NIPAL4: variants seen among roughly 807,000 people sequenced by gnomAD.
The protein encoded by NIPAL4 is magnesium transporter NIPA4.
In NIPAL4, 21 loss-of-function variants were observed where a neutral mutation model predicts 31.6. The observed-to-expected ratio is 0.67, with a 90% confidence interval of 0.47 to 0.96. NIPAL4 has a LOEUF of 0.96. Among genes scored for constraint, NIPAL4 ranks in the 40% least tolerant of loss-of-function variants. NIPAL4 has a pLI of 0.00. For synonymous variants in NIPAL4, 175 were observed against 211.1 expected, an observed-to-expected ratio of 0.83 and a Z score of 1.48; for missense variants, 438 against 508.0, an observed-to-expected ratio of 0.86 and a Z score of 1.32.
intron 2 of NIPAL4, among the ~76,000 whole-genome samples, chr5:157,464,640 G>A (rs1307582018): frequency 6.6e-6 from 1 of 152,102 alleles, no homozygotes; most frequent in African/African-American, 2.4e-5. Flanking sequence ...AGGAGTCAAG[G>A]ATGACTCATG....
chr5:157,472,291 C>A, intron 5 of NIPAL4, 41 bp from the exon 6 acceptor site: 2 of 1,561,892 alleles, frequency 1.3e-6, no homozygotes, highest in Non-Finnish European at 1.7e-6. Flanking sequence ...ATTGCCTGCA[C>A]CCTCCACAGC....
rs1343934524 is a variant in NIPAL4, at chr5:157,463,154, T to C, written c.98T>C (p.Leu33Pro). Residue 33 changes from leucine (L) to proline (P), a missense_variant, in exon 2 of 6, where the codon CTC becomes CCC. By Grantham distance (98) the Leu-to-Pro change is moderately conservative. Transcript: ENST00000311946. ...GTCCTGTGCCAGATTGTCAATGACC[T>C]CAGCCCTGAGGTGCCCAGCAATGCC... ...QEVLCQIVND[L>P]SPEVPSNATF... 3.7e-6 allele frequency: 6 copies of C among 1,613,890 alleles called. No individual in the cohort carries two copies. In the East Asian group the frequency reaches 8.9e-5, roughly 24 times the overall value.
intron 4 of NIPAL4, among the ~76,000 whole-genome samples, chr5:157,469,476 A>C (rs1754368221): frequency 6.6e-6 from 1 of 152,220 alleles, no homozygotes; most frequent in Non-Finnish European, 1.5e-5. Context: ...AACTTGGCCA[A>C]AGTTACCAGC....
At position 157,463,349 on chromosome 5, in the gene NIPAL4, A is replaced by G; in HGVS notation, c.277+16A>G. 1 of 1,594,612 alleles carries G rather than the reference A, an allele frequency of 6.3e-7. No individual in the cohort carries two copies. On this transcript the variant is annotated intron_variant, in intron 2 of 5. Transcript: ENST00000311946. ...ACTCGAGCTGGTAGGTTCCTGGGCC[A>G]GGAGAGGATAGGGCCCAGGGCAGCT...
At chr5:157,469,624 G>A (rs1161199883) in intron 4 of NIPAL4, among the ~76,000 whole-genome samples, 2 of 152,126 alleles carry the variant, frequency 1.3e-5, no homozygotes, top group Non-Finnish European at 2.9e-5. Context: ...GATACTAAAT[G>A]TCTGTGCTTC....
chr5:157,472,660 G>A lies in NIPAL4; in HGVS notation c.915G>A (p.Val305=). 5.0e-6 allele frequency: 8 copies of A among 1,613,960 alleles called. No individual in the cohort carries two copies. Among genetic ancestry groups the A allele is most frequent in the Non-Finnish European group, 6.8e-6 (8 of 1,179,898 alleles). Residue 305 remains valine (V), a synonymous_variant, in exon 6 of 6, where the codon GTG becomes GTA. Transcript: ENST00000311946. ...FPIYYVFFTT[V]VVTSSIILFK... ...TCTACTACGTGTTCTTCACCACGGT[G>A]GTCGTTACCTCGTCCATCATCCTCT...
At chr5:157,470,622 A>G (rs1754404226) in intron 4 of NIPAL4, among the ~76,000 whole-genome samples, 1 of 152,228 alleles carries the variant, frequency 6.6e-6, no homozygotes, top group African/African-American at 2.4e-5. Flanking sequence ...TGCCTAAGAC[A>G]TGGTACCTGT....
At chr5:157,466,286 G>A (rs1277487935) in intron 2 of NIPAL4, among the ~76,000 whole-genome samples, 4 of 152,224 alleles carry the variant, frequency 2.6e-5, no homozygotes, top group Admixed American at 2.0e-4. Flanking sequence ...GGAGAGCTAA[G>A]AGAGAGGAGA....
Position 157,467,335 on chromosome 5 carries a change from C to G in NIPAL4, c.334+230C>G, listed in dbSNP as rs10063083. ...GAGAGGTTTGCACAGAGCTGGCAACCATGAAGGTGTATTTTCTCAACTTGC... is the reference window on the plus strand; with the variant it reads ...GAGAGGTTTGCACAGAGCTGGCAACGATGAAGGTGTATTTTCTCAACTTGC... On this transcript the variant is annotated intron_variant, in intron 3 of 5. Transcript: ENST00000311946. The G allele has an allele frequency of 0.36, 178,592 of 492,066 alleles. 34,416 individuals carry two copies. The highest frequency in any genetic ancestry group is 0.7 in the East Asian group (18,453 of 26,540). The allele number at this position is 492,066 out of a possible 1,614,324, so 30.5% of individuals were successfully genotyped here. A position where few individuals can be genotyped will look rare whatever the true frequency, so the allele number is the denominator to read the frequency against.
At chr5:157,464,609 C>G (rs1754204115) in intron 2 of NIPAL4, among the ~76,000 whole-genome samples, 1 of 151,584 alleles carries the variant, frequency 6.6e-6, no homozygotes, top group African/African-American at 2.4e-5. Flanking sequence ...CGGCTTCAAG[C>G]AAGGGAGGAG....
chr5:157,461,723 A>G (rs1754116012), intron 1 of NIPAL4, among the ~76,000 whole-genome samples: 1 of 152,242 alleles, frequency 6.6e-6, no homozygotes, highest in Non-Finnish European at 1.5e-5. Flanking sequence ...TCACACTGCA[A>G]AAGACACATG....
intron 4 of NIPAL4, among the ~76,000 whole-genome samples, chr5:157,470,090 TCTC>T (rs1391412230): frequency 6.6e-6 from 1 of 152,092 alleles, no homozygotes; most frequent in African/African-American, 2.4e-5. Flanking sequence ...TAGATATCAA[TCTC>T]CTCTCTCCTG....
Position 157,463,152 on chromosome 5 carries a change from C to A in NIPAL4, c.96C>A (p.Asp32Glu), listed in dbSNP as rs190908366. ...AAGTCCTGTGCCAGATTGTCAATGA[C>A]CTCAGCCCTGAGGTGCCCAGCAATG... ...SQEVLCQIVNDLSPEVPSNAT... is the reference protein window; with the variant it reads ...SQEVLCQIVNELSPEVPSNAT... Residue 32 changes from aspartate (D) to glutamate (E), a missense_variant, in exon 2 of 6, where the codon GAC becomes GAA. Transcript: ENST00000311946. 5.0e-6 allele frequency: 8 copies of A among 1,613,912 alleles called. No homozygotes were observed. Among genetic ancestry groups the A allele is most frequent in the Admixed American group, 3.3e-5 (2 of 60,010 alleles).
At chr5:157,466,948 G>A in intron 2 of NIPAL4, 101 bp from the exon 3 acceptor site, 1 of 848,800 alleles carries the variant, frequency 1.2e-6, no homozygotes, top group Non-Finnish European at 2.0e-6. Context: ...AAGCCTCAAG[G>A]AGCAGCCCTT....
rs372396299 is a variant in NIPAL4 at position 157,471,729 on chromosome 5, G to T, written c.498G>T (p.Val166=). ...GGAAGCTGGGCTGTGTGATCTGTGTGGCCGGAAGCACAGTGATGGTGATAC... is the reference window on the plus strand; with the variant it reads ...GGAAGCTGGGCTGTGTGATCTGTGTTGCCGGAAGCACAGTGATGGTGATAC... The part of the protein sequence containing the change: ...LLGKLGCVIC[V]AGSTVMVIHA... Residue 166 remains valine (V), a synonymous_variant, in exon 5 of 6, where the codon GTG becomes GTT. Coordinates refer to ENST00000311946, the MANE Select transcript of NIPAL4 (RefSeq NM_001099287.2). 83 of 1,607,588 alleles carry T rather than the reference G, an allele frequency of 5.2e-5. No homozygotes were observed. The highest frequency in any genetic ancestry group is 6.9e-5 in the Non-Finnish European group (81 of 1,176,920).
chr5:157,470,452 T>C (rs1453096762), intron 4 of NIPAL4, among the ~76,000 whole-genome samples: 1 of 152,252 alleles, frequency 6.6e-6, no homozygotes, highest in East Asian at 1.9e-4. Context: ...CTGGTTCCAC[T>C]ACTTGCTAGT....
chr5:157,463,389 T>C, intron 2 of NIPAL4, 56 bp downstream of exon 2: 1 of 1,531,014 alleles, frequency 6.5e-7, no homozygotes, highest in Non-Finnish European at 8.8e-7. Context: ...TCTCACAAGG[T>C]CCGGGGCTGT....
chr5:157,465,207 A>G (rs1754219809), intron 2 of NIPAL4, among the ~76,000 whole-genome samples: 1 of 152,218 alleles, frequency 6.6e-6, no homozygotes, highest in Non-Finnish European at 1.5e-5. Context: ...CAAGTGTTGG[A>G]AAGGCCAGAG....
Position 157,472,834 on chromosome 5 carries a change from C to G in NIPAL4, c.1089C>G (p.Pro363=). The G allele has an allele frequency of 6.3e-7, 1 of 1,592,490 alleles. No homozygotes were observed. The highest frequency in any genetic ancestry group is 8.6e-7 in the Non-Finnish European group (1 of 1,166,558). Residue 363 remains proline, a synonymous_variant, in exon 6 of 6, where the codon CCC becomes CCG. Transcript: ENST00000311946. ...TGCCCCACATGCACAAAAACCCACC[C>G]CCTTCTCCCGCCCCGGAACCCACTG... ...ASLPHMHKNP[P]PSPAPEPTVI...
Sources: allele counts gnomAD v4.1 joint callset (sites outside exome capture counted in the v4.1 genomes callset), GRCh38; gene constraint gnomAD v4.1.1; transcripts MANE v1.5; gene names NCBI Gene and HGNC (gene_info 2026-07-23, HGNC 2026-07-21).